Variants in ZNF254 observed in about 807,000 individuals in gnomAD.
The protein encoded by ZNF254 is zinc finger protein 254, also known as CTD-2017D11.1.
Under a neutral mutation model 12.4 loss-of-function variants are expected in ZNF254, and 10 were observed. The observed-to-expected ratio is 0.80, with a 90% confidence interval of 0.50 to 1.36. The LOEUF is 1.36. Ranked by LOEUF, ZNF254 falls within the 40% of genes most tolerant of loss-of-function variation. ZNF254 has a pLI of 0.00. For missense variants in ZNF254, 996 were observed against 763.9 expected (o/e 1.30, Z -3.58); for synonymous variants, 305 against 253.4 (o/e 1.20, Z -1.93).
intron 2 of ZNF254, among the ~76,000 whole-genome samples, chr19:24,047,841 C>T (rs1970458557): frequency 6.6e-6 from 1 of 150,734 alleles, no homozygotes; most frequent in African/African-American, 2.4e-5. Flanking sequence ...ACATGTGCCG[C>T]CACGCCCAGG....
Position 24,072,424 on chromosome 19 carries a change from C to T in ZNF254, c.-94+26145C>T, listed in dbSNP as rs187585804. 2.0e-4 allele frequency among the ~76,000 whole-genome samples: 30 copies of T among 152,192 alleles called. No homozygotes were observed. In the East Asian group the frequency reaches 4.3e-3, roughly 22 times the overall value. On this transcript the variant is annotated intron_variant, in intron 2 of 4. Coordinates refer to the ZNF254 transcript ENST00000613065. ...TGACCTCAAGCGATCTACCTGCCTC[C>T]GCCTCCCAAAGTGCTGATATTACAG...
chr19:24,126,233 T>C (rs1974823790), intron 3 of ZNF254, 21 bp from the exon 4 acceptor site: 2 of 1,393,956 alleles, frequency 1.4e-6, no homozygotes, highest in Non-Finnish European at 1.9e-6. Flanking sequence ...AGTAATTTAT[T>C]TATTTTTATT....
chr19:24,082,140 A>T (rs1387349393), intron 2 of ZNF254, among the ~76,000 whole-genome samples: 1 of 151,990 alleles, frequency 6.6e-6, no homozygotes, highest in African/African-American at 2.4e-5. Context: ...AAAAAAAAAA[A>T]AGATAATATC....
intron 1 of ZNF254, among the ~76,000 whole-genome samples, chr19:24,102,843 CTG>C (rs1016716370): frequency 6.6e-6 from 1 of 152,184 alleles, no homozygotes; most frequent in Non-Finnish European, 1.5e-5. Flanking sequence ...TAAACTCTAT[CTG>C]TGTCCTTCTC....
At chr19:24,073,430 G>A (rs1971550025) in intron 2 of ZNF254, among the ~76,000 whole-genome samples, 3 of 152,182 alleles carry the variant, frequency 2.0e-5, no homozygotes, top group South Asian at 4.1e-4. Context: ...ATACCAGGAA[G>A]AAAGTTTCAG....
rs537963318 is a variant in ZNF254 at position 24,128,649 on chromosome 19, C to T, written c.*669C>T. 6.6e-6 allele frequency: 1 copy of T among 152,128 alleles called. No homozygotes were observed. The highest frequency in any genetic ancestry group is 1.9e-4 in the East Asian group (1 of 5,186). 9.4% of individuals were successfully genotyped at this position (152,128 alleles called of 1,614,324 possible). A position where few individuals can be genotyped will look rare whatever the true frequency, so the allele number is the denominator to read the frequency against. ...ACAAATTATAAAACACCAAAGTGTT[C>T]ATACTAAAATATATTTTTGCAGATA... On this transcript the variant is annotated 3_prime_UTR_variant, in exon 4 of 4. Transcript: ENST00000357002.
In ZNF254 at chr19:24,127,136, A is replaced by G; in HGVS notation, c.1136A>G (p.Lys379Arg). ...KIIHTGEKRY[K>R]CLECGKAFKQ... ...ATTCATACTGGAGAGAAACGCTACA[A>G]ATGCTTAGAATGTGGCAAAGCTTTT... The change falls in exon 4 of 4, where the codon AAA becomes AGA. Residue 379 changes from lysine (K) to arginine (R), a missense_variant. Lys to Arg is a conservative substitution (Grantham distance 26). Transcript: ENST00000357002. 2 of 1,613,580 alleles carry G rather than the reference A, an allele frequency of 1.2e-6. No homozygotes were observed. The highest frequency in any genetic ancestry group is 8.5e-7 in the Non-Finnish European group (1 of 1,179,804).
At chr19:24,108,665 A>G (rs990109788) in intron 3 of ZNF254, among the ~76,000 whole-genome samples, 2 of 151,996 alleles carry the variant, frequency 1.3e-5, no homozygotes, top group African/African-American at 2.4e-5. Flanking sequence ...TGGCTGACAA[A>G]TTTTCTTGCT....
At position 24,127,997 on chromosome 19, in the gene ZNF254, TA is replaced by T; in HGVS notation, c.*19del. 1 of 1,521,176 alleles carries T rather than the reference TA, an allele frequency of 6.6e-7. No homozygotes were observed. 94.2% of individuals were successfully genotyped at this position (1,521,176 alleles called of 1,614,324 possible). A position where few individuals can be genotyped will look rare whatever the true frequency, so the allele number is the denominator to read the frequency against. ...CAAGTATGAATAATGTGCCAAAGCC[TA>T]AGAAAACCCTCAATTCTTAATAGAT... On this transcript the variant is annotated 3_prime_UTR_variant, in exon 4 of 4. Transcript: ENST00000357002.
intron 3 of ZNF254, among the ~76,000 whole-genome samples, chr19:24,120,187 A>G (rs1974382026): frequency 6.6e-6 from 1 of 152,096 alleles, no homozygotes; most frequent in Non-Finnish European, 1.5e-5. Context: ...TTCTGCTTTC[A>G]TGAGACTTAT....
At chr19:24,045,667 CA>C (rs35872820) in intron 1 of ZNF254, among the ~76,000 whole-genome samples, 11,072 of 88,632 alleles carry the variant, frequency 0.12, 459 homozygotes, top group Admixed American at 0.24. Flanking sequence ...GACTCTGTCT[CA>C]AAAAAAAAAA....
chr19:24,105,363 AAAAC>A (rs1424932458), intron 1 of ZNF254: 3 of 233,842 alleles, frequency 1.3e-5, no homozygotes, highest in African/African-American at 7.1e-5. Flanking sequence ...ACTAAAAAAA[AAAAC>A]AAAAAACAAA....
intron 3 of ZNF254, among the ~76,000 whole-genome samples, chr19:24,108,880 G>T (rs1000674306): frequency 6.6e-6 from 1 of 152,204 alleles, no homozygotes; most frequent in African/African-American, 2.4e-5. Flanking sequence ...ATAGAGCCAG[G>T]CGCGGTGGCT....
intron 3 of ZNF254, among the ~76,000 whole-genome samples, chr19:24,121,743 AG>A (rs1974498686): frequency 3.3e-5 from 5 of 152,092 alleles, no homozygotes; most frequent in Middle Eastern, 3.4e-3. Context: ...TTTTTAGTAG[AG>A]ACAGAGTTTA....
At chr19:24,116,068 C>A (rs192282341) in intron 3 of ZNF254, among the ~76,000 whole-genome samples, 213 of 152,326 alleles carry the variant, frequency 1.4e-3, no homozygotes, top group Non-Finnish European at 2.5e-3. Context: ...GAGGTCCACT[C>A]TTAGTCCGAT....
intron 1 of ZNF254, among the ~76,000 whole-genome samples, chr19:24,098,019 TTAAA>T (rs1972775125): frequency 6.6e-6 from 1 of 152,130 alleles, no homozygotes; most frequent in African/African-American, 2.4e-5. Flanking sequence ...AATATTTACT[TTAAA>T]TGAATTCCTT....
chr19:24,042,787 G>A (rs1685801817), intron 1 of ZNF254, among the ~76,000 whole-genome samples: 1 of 152,202 alleles, frequency 6.6e-6, no homozygotes, highest in South Asian at 2.1e-4. Flanking sequence ...TATCACGGCA[G>A]TAATTATGGG....
At chr19:24,085,213 T>TGA (rs1271774824), upstream of ZNF254, among the ~76,000 whole-genome samples, 2 of 151,504 alleles carry the variant, frequency 1.3e-5, no homozygotes, top group Non-Finnish European at 2.9e-5. Context: ...ACTACAGGCG[T>TGA]GAGCCACTGC....
At chr19:24,037,286 G>C (rs60197542) in intron 1 of ZNF254, among the ~76,000 whole-genome samples, 2,566 of 152,248 alleles carry the variant, frequency 0.017, 82 homozygotes, top group African/African-American at 0.058. Flanking sequence ...CTGGGAGTCA[G>C]ATGTCCATGA....
Sources: gnomAD v4.1 joint callset for allele counts (sites outside exome capture counted in the v4.1 genomes callset) on GRCh38, gnomAD v4.1.1 for gene constraint, MANE v1.5 for transcripts, NCBI Gene and HGNC (gene_info 2026-07-23, HGNC 2026-07-21) for gene names.